The following SEMA3D variants were observed in gnomAD, a reference collection of about 807,000 sequenced individuals.
SEMA3D encodes semaphorin 3D.
Under a neutral mutation model 100.1 loss-of-function variants are expected in SEMA3D, and 84 were observed. That is an observed-to-expected ratio of 0.84 (90% CI 0.70 to 1.01). The LOEUF (loss-of-function observed/expected upper bound fraction) is 1.01. Among genes scored for constraint, SEMA3D ranks in the 50% least tolerant of loss-of-function variants. The probability of loss-of-function intolerance (pLI) is 0.00; values close to 1 mark genes in which losing one functional copy is unlikely to be tolerated. For missense variants in SEMA3D, 875 were observed against 934.1 expected (o/e 0.94, Z 0.82); for synonymous variants, 312 against 320.7 (o/e 0.97, Z 0.29).
chr7:85,109,258 T>A (rs1211301055), intron 3 of SEMA3D, among the ~76,000 whole-genome samples: 1 of 152,028 alleles, frequency 6.6e-6, no homozygotes, highest in Non-Finnish European at 1.5e-5. Context: ...ATTCTAATGG[T>A]ACATAGACTG....
Position 85,186,932 on chromosome 7 carries a change from CA to C in SEMA3D, c.-428del, listed in dbSNP as rs1410059883. 4 of 152,872 alleles carry C rather than the reference CA, an allele frequency of 2.6e-5. No individual in the cohort carries two copies. Among genetic ancestry groups the C allele is most frequent in the Non-Finnish European group, 5.8e-5 (4 of 68,656 alleles). The allele number at this position is 152,872 out of a possible 1,614,324, so 9.5% of individuals were successfully genotyped here. ...GAGCCGCGCTAGGACAGGCGGAGAG[CA>C]AGGCACCAGCTGGAGCTTTGGGGAG... On this transcript the variant is annotated 5_prime_UTR_variant, in exon 1 of 19. Transcript: ENST00000284136.
intron 8 of SEMA3D, among the ~76,000 whole-genome samples, chr7:85,064,014 C>G (rs1318052006): frequency 1.3e-5 from 2 of 152,176 alleles, no homozygotes; most frequent in African/African-American, 4.8e-5. Flanking sequence ...AATCTCTAAT[C>G]TTCTTCATAC....
the SEMA3D span, among the ~76,000 whole-genome samples, chr7:85,245,500 C>T: frequency 6.6e-6 from 1 of 152,130 alleles, no homozygotes; most frequent in Admixed American, 6.5e-5. Flanking sequence ...AAAAACTTTC[C>T]TCAGTAACAT....
intron 16 of SEMA3D, among the ~76,000 whole-genome samples, chr7:85,013,601 A>C (rs1790018511): frequency 6.6e-6 from 1 of 151,732 alleles, no homozygotes; most frequent in African/African-American, 2.4e-5. Flanking sequence ...GTCACTTCAG[A>C]GATCAGAAAA....
At chr7:85,195,441 C>CA in the SEMA3D span, among the ~76,000 whole-genome samples, 1 of 150,806 alleles carries the variant, frequency 6.6e-6, no homozygotes, top group East Asian at 1.9e-4. Flanking sequence ...TCCTTTTTTT[C>CA]TTTTTTTTTG....
At chr7:85,047,431 T>C (rs916857338) in intron 9 of SEMA3D, among the ~76,000 whole-genome samples, 1 of 151,872 alleles carries the variant, frequency 6.6e-6, no homozygotes, top group African/African-American at 2.4e-5. Context: ...TGAACTTTTA[T>C]TGAGTGTGCC....
At chr7:85,198,878 G>A in the SEMA3D span, among the ~76,000 whole-genome samples, 1 of 132,506 alleles carries the variant, frequency 7.5e-6, no homozygotes, top group Non-Finnish European at 1.7e-5. Context: ...AACTTTTTTG[G>A]GAAAATTTAC....
At chr7:85,090,499 C>T (rs1306612564) in intron 4 of SEMA3D, among the ~76,000 whole-genome samples, 2 of 152,110 alleles carry the variant, frequency 1.3e-5, no homozygotes, top group African/African-American at 2.4e-5. Context: ...TGTCCACATG[C>T]TTTCCAAGTA....
In SEMA3D at chr7:85,140,473, T is replaced by C. The variant is rs1031861903; in HGVS notation, c.-41+13135A>G. On this transcript the variant is annotated intron_variant, in intron 2 of 18. Coordinates refer to ENST00000284136, the MANE Select transcript of SEMA3D (RefSeq NM_001384900.1). Reference sequence around the variant, plus strand: ...TAAGGTGACTTACTGTTCTGATATGTACAGGATCACTTACATTAAAAAGAA... The same window carrying C: ...TAAGGTGACTTACTGTTCTGATATGCACAGGATCACTTACATTAAAAAGAA... 64 of 981,114 alleles carry C rather than the reference T, an allele frequency of 6.5e-5. 1 individual carries two copies. The Admixed American group carries it at 8.0e-4, about 12-fold the overall frequency. 60.8% of individuals were successfully genotyped at this position (981,114 alleles called of 1,614,324 possible).
rs761578969 is a variant in SEMA3D at position 85,006,951 on chromosome 7, A to C, written c.1769-10T>G. On this transcript the variant is annotated splice_polypyrimidine_tract_variant and intron_variant, in intron 17 of 18. Coordinates refer to ENST00000284136, the MANE Select transcript of SEMA3D (RefSeq NM_001384900.1). ...GTTTCATGACTAATGCCTGGAAAGC[A>C]AACATGGAATAAGAGATTAACCTTG... The C allele has an allele frequency of 6.2e-7, 1 of 1,607,560 alleles. No homozygotes were observed. The highest frequency in any genetic ancestry group is 1.1e-5 in the South Asian group (1 of 90,534).
intron 1 of SEMA3D, among the ~76,000 whole-genome samples, chr7:85,180,040 T>G (rs1450742000): frequency 6.6e-6 from 1 of 152,180 alleles, no homozygotes; most frequent in African/African-American, 2.4e-5. Flanking sequence ...TGTTTTGAAA[T>G]TTGATAAAGA....
At chr7:85,167,845 A>G (rs1304613628) in intron 1 of SEMA3D, among the ~76,000 whole-genome samples, 3 of 151,860 alleles carry the variant, frequency 2.0e-5, no homozygotes, top group African/African-American at 7.2e-5. Flanking sequence ...TTTGGTTTCT[A>G]TTATTAAAGG....
intron 4 of SEMA3D, among the ~76,000 whole-genome samples, chr7:85,094,943 A>G (rs925542841): frequency 6.6e-6 from 1 of 151,972 alleles, no homozygotes; most frequent in Admixed American, 6.6e-5. Context: ...AAAATTTTCA[A>G]AAAAGACAAA....
chr7:85,118,246 C>T (rs191189963), intron 3 of SEMA3D, among the ~76,000 whole-genome samples: 1 of 151,932 alleles, frequency 6.6e-6, no homozygotes, highest in Non-Finnish European at 1.5e-5. Flanking sequence ...TCTGCTTATT[C>T]CTTTTGATAT....
At position 85,022,446 on chromosome 7, in the gene SEMA3D, C is replaced by T; in HGVS notation, c.1359G>A (p.Val453=). ...INVDYRLTQI[V]VDHVIAEDGQ... ...CATCTTCTGCAATGACATGATCCAC[C>T]ACTATCTGTGTCAGTCTGTAATCCA... The change falls in exon 13 of 19, where the codon GTG becomes GTA. Residue 453 remains valine (V), a synonymous_variant. Transcript: ENST00000284136. The T allele has an allele frequency of 6.2e-7, 1 of 1,612,516 alleles. No individual in the cohort carries two copies. Among genetic ancestry groups the T allele is most frequent in the Non-Finnish European group, 8.5e-7 (1 of 1,178,950 alleles).
chr7:85,113,155 T>A (rs1374723909), intron 3 of SEMA3D, among the ~76,000 whole-genome samples: 1 of 152,194 alleles, frequency 6.6e-6, no homozygotes, highest in Non-Finnish European at 1.5e-5. Flanking sequence ...TTTTTACAAT[T>A]GCAGCGTAAA....
intron 1 of SEMA3D, among the ~76,000 whole-genome samples, chr7:85,160,763 G>T (rs985771689): frequency 3.9e-5 from 6 of 152,218 alleles, no homozygotes; most frequent in Non-Finnish European, 8.8e-5. Flanking sequence ...GATTTCTGAT[G>T]GAAGATTAAA....
Position 85,121,736 on chromosome 7 carries a change from T to C in SEMA3D, c.151+5A>G. On this transcript the variant is annotated splice_donor_5th_base_variant and intron_variant, in intron 3 of 18. Transcript: ENST00000284136. ...AAACAATTTAGAAAATATGTATATA[T>C]TTACCTTTGTAGGTTAGCTTGAGTC... 6.7e-7 allele frequency: 1 copy of C among 1,498,776 alleles called. No homozygotes were observed. 92.8% of individuals were successfully genotyped at this position (1,498,776 alleles called of 1,614,324 possible).
At chr7:85,129,332 T>C (rs921332938) in intron 2 of SEMA3D, among the ~76,000 whole-genome samples, 1 of 152,158 alleles carries the variant, frequency 6.6e-6, no homozygotes, top group African/African-American at 2.4e-5. Flanking sequence ...ACAGAATTTC[T>C]TTTTATTTAT....
Sources: gnomAD v4.1 joint callset for allele counts (sites outside exome capture counted in the v4.1 genomes callset) on GRCh38, gnomAD v4.1.1 for gene constraint, MANE v1.5 for transcripts, NCBI Gene and HGNC (gene_info 2026-07-23, HGNC 2026-07-21) for gene names.